The following TNC variants were observed in gnomAD, a reference collection of about 807,000 sequenced individuals.
TNC encodes the protein tenascin C.
In TNC, 109 loss-of-function variants were observed where a neutral mutation model predicts 202.4. That is an observed-to-expected ratio of 0.54 (90% CI 0.46 to 0.63). The LOEUF is 0.63. Ranked by LOEUF, TNC falls within the 30% of genes least tolerant of loss-of-function variation. The pLI is 0.00. For synonymous variants in TNC, 1,007 were observed against 1,089.7 expected, an observed-to-expected ratio of 0.92 and a Z score of 1.50; for missense variants, 2,756 against 2,833.3, an observed-to-expected ratio of 0.97 and a Z score of 0.62.
At position 115,047,361 on chromosome 9, in the gene TNC, T is replaced by C. The variant is rs577686675; in HGVS notation, c.4853-679A>G. 2.6e-5 allele frequency among the ~76,000 whole-genome samples: 4 copies of C among 152,160 alleles called. No homozygotes were observed. The South Asian group carries it at 6.2e-4, about 24-fold the overall frequency. Reference sequence around the variant, plus strand: ...ATACTGTGGACCCAGGGTTTCATCTTGCATTGCCTTAACTAGACAAAACTC... The same window carrying C: ...ATACTGTGGACCCAGGGTTTCATCTCGCATTGCCTTAACTAGACAAAACTC... On this transcript the variant is annotated intron_variant, in intron 16 of 27. Transcript: ENST00000350763.
At chr9:115,095,468 A>G (rs10982523) in intron 1 of TNC, among the ~76,000 whole-genome samples, 445 of 44,048 alleles carry the variant, frequency 0.01, 5 homozygotes, top group Non-Finnish European at 0.011. Context: ...GTATATATAT[A>G]TGTATATATA....
Position 115,063,916 on chromosome 9 carries a change from G to A in TNC, c.3640C>T (p.Pro1214Ser). ...TVEAAQNLTV[P>S]GGLRSTDLPG... ...AGGTCTGTGGACCTCAGTCCTCCTGGGACGGTGAGGTTCTGGGCTGCCTCT... is the reference window on the plus strand; with the variant it reads ...AGGTCTGTGGACCTCAGTCCTCCTGAGACGGTGAGGTTCTGGGCTGCCTCT... The change falls in exon 12 of 28, where the codon CCA becomes TCA. Residue 1214 changes from proline (P) to serine (S), a missense_variant. By Grantham distance (74) the Pro-to-Ser change is moderately conservative. Around this residue, in one of 2 missense-constraint regions of TNC, gnomAD observed 2,559 missense variants for 2,546.0 expected, o/e 1.01. Coordinates refer to ENST00000350763, the MANE Select transcript of TNC (RefSeq NM_002160.4). 2.5e-6 allele frequency: 4 copies of A among 1,614,146 alleles called. No individual in the cohort carries two copies. The highest frequency in any genetic ancestry group is 2.2e-5 in the East Asian group (1 of 44,874).
At chr9:115,103,204 T>C (rs983572210) in intron 1 of TNC, among the ~76,000 whole-genome samples, 1 of 152,242 alleles carries the variant, frequency 6.6e-6, no homozygotes, top group Admixed American at 6.5e-5. Context: ...CAGTACTTTC[T>C]ACTTTGAGAC....
chr9:115,099,778 T>C (rs1163588174), intron 1 of TNC, among the ~76,000 whole-genome samples: 1 of 152,198 alleles, frequency 6.6e-6, no homozygotes, highest in Admixed American at 6.5e-5. Context: ...GAGACAGCAT[T>C]TCTAACAGAA....
At chr9:115,105,234 T>G (rs1193560406) in intron 1 of TNC, among the ~76,000 whole-genome samples, 1 of 152,172 alleles carries the variant, frequency 6.6e-6, no homozygotes, top group African/African-American at 2.4e-5. Context: ...CTCCCGTAAT[T>G]AATTTGTGTG....
chr9:115,033,076 A>G (rs1313922948), intron 22 of TNC, among the ~76,000 whole-genome samples: 3 of 152,196 alleles, frequency 2.0e-5, no homozygotes, highest in Admixed American at 2.0e-4. Context: ...AAGGTACCTT[A>G]TCCTGTTTTC....
At chr9:115,081,685 C>A in intron 6 of TNC, 87 bp downstream of exon 6, 1 of 1,407,348 alleles carries the variant, frequency 7.1e-7, no homozygotes, top group African/African-American at 1.4e-5. Flanking sequence ...GATGTAGATG[C>A]TATATGAGAA....
At chr9:115,075,510 G>C (rs975291791) in intron 9 of TNC, among the ~76,000 whole-genome samples, 6 of 152,162 alleles carry the variant, frequency 3.9e-5, no homozygotes, top group Admixed American at 3.9e-4. Flanking sequence ...ATCCCGGCTG[G>C]ACATAGTGAC....
intron 15 of TNC, among the ~76,000 whole-genome samples, chr9:115,049,074 T>TG (rs1831443096): frequency 1.3e-5 from 2 of 151,816 alleles, no homozygotes; most frequent in Non-Finnish European, 2.9e-5. Flanking sequence ...GGAGGTAAGT[T>TG]TTTTTTGTGT....
chr9:115,079,383 T>A (rs1834127363), intron 6 of TNC, among the ~76,000 whole-genome samples: 1 of 152,198 alleles, frequency 6.6e-6, no homozygotes, highest in East Asian at 1.9e-4. Context: ...TGTTGACACA[T>A]CAGTCCCAGC....
intron 19 of TNC, among the ~76,000 whole-genome samples, chr9:115,039,284 T>A (rs1229876344): frequency 1.3e-5 from 2 of 152,174 alleles, no homozygotes; most frequent in Non-Finnish European, 2.9e-5. Context: ...TTCTCCAAAC[T>A]TCACTTTCTT....
At chr9:115,059,199 G>A (rs899207669) in intron 14 of TNC, among the ~76,000 whole-genome samples, 22 of 152,274 alleles carry the variant, frequency 1.4e-4, no homozygotes, top group African/African-American at 4.6e-4. Flanking sequence ...AGAACTGCCC[G>A]GAGGAGGGTA....
rs144732841 is a variant in TNC at position 115,063,042 on chromosome 9, G to A, written c.3908C>T (p.Thr1303Met). The A allele has an allele frequency of 4.4e-5, 71 of 1,613,994 alleles. No individual in the cohort carries two copies. The highest frequency in any genetic ancestry group is 1.6e-4 in the Middle Eastern group (1 of 6,084). Residue 1303 changes from threonine to methionine, a missense_variant, in exon 13 of 28, where the codon ACG (threonine) becomes ATG (methionine). Physicochemically the swap from Thr to Met is moderately conservative, Grantham distance 81. Transcript: ENST00000350763. ...CATGGAACGCAGGCTGCCAGGAACC[G>A]TGAGATTGTGAGCCTCTTCCACCTG... ...ADQVEEAHNL[T>M]VPGSLRSMEI...
chr9:115,076,462 TG>T lies in TNC; in HGVS notation c.2787del (p.Ile930SerfsTer26). ...AIDSYRIKYAPISGGDHAEVD... is the reference protein window; with the variant it reads ...AIDSYRIKYAXISGGDHAEVD... ...ACCTCAGCGTGGTCCCCTCCAGAGATGGGGGCATACTTAATTCTGTAACTGT... is the reference window on the plus strand; with the variant it reads ...ACCTCAGCGTGGTCCCCTCCAGAGATGGGGCATACTTAATTCTGTAACTGT... On this transcript the variant is annotated frameshift_variant, in exon 8 of 28. Coordinates refer to ENST00000350763, the MANE Select transcript of TNC (RefSeq NM_002160.4). LOFTEE classifies it high-confidence loss of function. 6.2e-7 allele frequency: 1 copy of T among 1,614,160 alleles called. No homozygotes were observed. Among genetic ancestry groups the T allele is most frequent in the Non-Finnish European group, 8.5e-7 (1 of 1,180,028 alleles).
At chr9:115,079,439 G>A (rs570136716) in intron 6 of TNC, among the ~76,000 whole-genome samples, 1 of 152,204 alleles carries the variant, frequency 6.6e-6, no homozygotes, top group South Asian at 2.1e-4. Flanking sequence ...TCGCAAAAAT[G>A]GACAGAAGCT....
chr9:115,035,737 A>T, intron 21 of TNC: 1 of 268,850 alleles, frequency 3.7e-6, no homozygotes, highest in Non-Finnish European at 7.0e-6. Context: ...AAACCTAACA[A>T]ACATCTAGGA....
chr9:115,052,425 T>C (rs1250510143), intron 15 of TNC, among the ~76,000 whole-genome samples: 2 of 151,728 alleles, frequency 1.3e-5, no homozygotes, highest in African/African-American at 2.4e-5. Context: ...AATAACATAT[T>C]GAATACTTCA....
At chr9:115,054,457 T>G (rs1310321707) in intron 15 of TNC, among the ~76,000 whole-genome samples, 1 of 152,212 alleles carries the variant, frequency 6.6e-6, no homozygotes, top group Non-Finnish European at 1.5e-5. Flanking sequence ...TTTCCCTATA[T>G]TTTGCTGTAG....
intron 26 of TNC, among the ~76,000 whole-genome samples, chr9:115,025,902 A>G (rs1373810478): frequency 6.6e-6 from 1 of 152,230 alleles, no homozygotes; most frequent in African/African-American, 2.4e-5. Flanking sequence ...CAAGGAATGC[A>G]GGGGCCACTT....
Sources: allele counts gnomAD v4.1 joint callset (sites outside exome capture counted in the v4.1 genomes callset), GRCh38; gene constraint gnomAD v4.1.1; regional missense constraint gnomAD v4.1.1; transcripts MANE v1.5; gene names NCBI Gene and HGNC (gene_info 2026-07-23, HGNC 2026-07-21).